Variants in NEB observed in about 807,000 individuals in gnomAD.
NEB encodes nemaline myopathy type 2.
In NEB, 512 loss-of-function variants were observed where a neutral mutation model predicts 952.2. The observed-to-expected ratio is 0.54, with a 90% CI of 0.50 to 0.58. NEB has a LOEUF of 0.58. NEB is among the 20% of genes least tolerant of loss of function. The probability of loss-of-function intolerance (pLI) is 0.00; values close to 1 mark genes in which losing one functional copy is unlikely to be tolerated. For synonymous variants in NEB, 2,900 were observed against 3,149.8 expected (o/e 0.92, Z 2.66); for missense variants, 8,428 against 9,231.1 (o/e 0.91, Z 3.56).
chr2:151,669,531 T>G (rs576423557), intron 38 of NEB, among the ~76,000 whole-genome samples: 1 of 152,234 alleles, frequency 6.6e-6, no homozygotes, highest in South Asian at 2.1e-4. Flanking sequence ...GAGGTAACAT[T>G]TACACTCAAA....
At chr2:151,535,939 A>C in intron 141 of NEB, 144 bp from the exon 142 acceptor site, 1 of 562,794 alleles carries the variant, frequency 1.8e-6, no homozygotes, top group South Asian at 2.2e-5. Context: ...ACAGGGTTTC[A>C]CTCTGTTGCC....
chr2:151,725,009 G>A, intron 6 of NEB, 48 bp from the exon 7 acceptor site: 5 of 1,420,116 alleles, frequency 3.5e-6, no homozygotes, highest in Non-Finnish European at 5.0e-6. Context: ...ATGTACATGT[G>A]AGTATATTAA....
At chr2:151,610,217 T>A in intron 80 of NEB, 97 bp from the exon 81 acceptor site, 1 of 1,029,642 alleles carries the variant, frequency 9.7e-7, no homozygotes, top group Non-Finnish European at 1.4e-6. Flanking sequence ...GATTTTATAT[T>A]ACAAACATTT....
chr2:151,628,628 G>C (rs1263120671), intron 68 of NEB, among the ~76,000 whole-genome samples: 1 of 152,052 alleles, frequency 6.6e-6, no homozygotes, highest in Non-Finnish European at 1.5e-5. Flanking sequence ...ATCGCCTGAG[G>C]TCAGGAGTTT....
chr2:151,727,767 C>A lies in NEB; in HGVS notation c.218G>T (p.Arg73Leu). Residue 73 changes from arginine to leucine, a missense_variant, in exon 5 of 182, where the codon CGG (arginine) becomes CTG (leucine). Physicochemically the swap from Arg to Leu is moderately radical, Grantham distance 102. Transcript: ENST00000397345. ...GAACTTTGAAGGATCCACTTTCTTC[C>A]GGATGACCTTCCTCCTCTCCACCGG... ...AKPVERRKVI[R>L]KKVDPSKFMT... is the part of the protein sequence containing the mutation. 1 of 1,613,708 alleles carries A rather than the reference C, an allele frequency of 6.2e-7. No homozygotes were observed. Among genetic ancestry groups the A allele is most frequent in the East Asian group, 2.2e-5 (1 of 44,880 alleles).
At chr2:151,682,850 A>G in intron 28 of NEB, 81 bp from the exon 29 acceptor site, 1 of 1,260,732 alleles carries the variant, frequency 7.9e-7, no homozygotes. Flanking sequence ...ACCCAAAACA[A>G]TGTTTTTGAG....
chr2:151,701,669 T>C (rs1015844694), intron 13 of NEB, among the ~76,000 whole-genome samples: 8 of 151,228 alleles, frequency 5.3e-5, no homozygotes, highest in African/African-American at 1.7e-4. Flanking sequence ...GTTTGTAGTA[T>C]TCTTTGATGG....
intron 20 of NEB, 66 bp downstream of exon 20, chr2:151,694,257 A>C: frequency 7.5e-7 from 1 of 1,328,620 alleles, no homozygotes; most frequent in Non-Finnish European, 1.1e-6. Context: ...CGTCCATCCA[A>C]GGTTATATTA....
In NEB at chr2:151,663,825, C is replaced by T. The variant is rs1426324972; in HGVS notation, c.5486G>A (p.Gly1829Glu). The T allele has an allele frequency of 1.1e-5, 17 of 1,613,588 alleles. No individual in the cohort carries two copies. The highest frequency in any genetic ancestry group is 1.2e-5 in the Non-Finnish European group (14 of 1,179,734). ...CAGGCTCCGGAAGCCAATGTGTTTC[C>T]CTTTGGCTTGTTCATAGGCTTTCTT... ...KYKKAYEQAK[G>E]KHIGFRSLED... Residue 1829 changes from glycine (G) to glutamate (E), a missense_variant, in exon 45 of 182, where the codon GGG becomes GAG. Physicochemically the swap from Gly to Glu is moderately conservative, Grantham distance 98. Coordinates refer to ENST00000397345, the MANE Select transcript of NEB (RefSeq NM_001164508.2).
chr2:151,571,954 A>T (rs929886406), intron 107 of NEB, among the ~76,000 whole-genome samples: 4 of 152,244 alleles, frequency 2.6e-5, no homozygotes, highest in Non-Finnish European at 5.9e-5. Flanking sequence ...AAGCTTTTGT[A>T]TAAATTTTGA....
intron 156 of NEB, among the ~76,000 whole-genome samples, chr2:151,517,320 T>C (rs1362524994): frequency 6.6e-6 from 1 of 152,194 alleles, no homozygotes; most frequent in Non-Finnish European, 1.5e-5. Flanking sequence ...CTGCTCAATC[T>C]CCGAGCTCTT....
chr2:151,573,857 G>T (rs1560104261), intron 107 of NEB, among the ~76,000 whole-genome samples: 1 of 149,960 alleles, frequency 6.7e-6, no homozygotes, highest in Non-Finnish European at 1.5e-5. Flanking sequence ...CTCACAAATA[G>T]TTTTTTTTTT....
chr2:151,695,055 T>C (rs149387872), intron 18 of NEB, among the ~76,000 whole-genome samples: 17 of 152,292 alleles, frequency 1.1e-4, no homozygotes, highest in Admixed American at 2.0e-4. Context: ...TTTATAGAAT[T>C]ATTGAAGAAA....
In NEB at chr2:151,615,903, C is replaced by T. The variant is rs62174707; in HGVS notation, c.11289+99G>A. ...GGAAAATCACTAAAGGGAATTGAGA[C>T]TTATAGGGGTAACTAAATTTCTAGC... On this transcript the variant is annotated intron_variant, in intron 76 of 181. Coordinates refer to ENST00000397345, the MANE Select transcript of NEB (RefSeq NM_001164508.2). 0.23 allele frequency: 203,945 copies of T among 882,750 alleles called. 25,328 individuals are homozygous for T. The highest frequency in any genetic ancestry group is 0.35 in the East Asian group (13,190 of 37,586). 54.7% of individuals were successfully genotyped at this position (882,750 alleles called of 1,614,324 possible). A position where few individuals can be genotyped will look rare whatever the true frequency, so the allele number is the denominator to read the frequency against.
At position 151,570,139 on chromosome 2, in the gene NEB, C is replaced by G; in HGVS notation, c.17372G>C (p.Cys5791Ser). Residue 5791 changes from cysteine to serine, a missense_variant, in exon 109 of 182, where the codon TGC (cysteine) becomes TCC (serine). By Grantham distance (112) the Cys-to-Ser change is moderately radical. Transcript: ENST00000397345. The stretch of plus-strand genomic sequence containing the variant: ...AATCACATCGTTCTGGTCGGGCATG[C>G]AGGTCCACTGGTGCAGGTAATTGCG... ...DYRNYLHQWT[C>S]MPDQNDVIQA... The G allele has an allele frequency of 1.9e-6, 3 of 1,613,124 alleles. No homozygotes were observed. The highest frequency in any genetic ancestry group is 2.5e-6 in the Non-Finnish European group (3 of 1,179,568).
At chr2:151,519,869 TAG>T in intron 153 of NEB, 101 bp from the exon 154 acceptor site, 2 of 733,660 alleles carry the variant, frequency 2.7e-6, no homozygotes, top group Middle Eastern at 2.5e-4. Context: ...GCATTGTACA[TAG>T]AGTGATCATA....
chr2:151,563,171 CG>C (rs2096190377), intron 119 of NEB, among the ~76,000 whole-genome samples: 1 of 151,906 alleles, frequency 6.6e-6, no homozygotes, highest in Non-Finnish European at 1.5e-5. Context: ...TGCACCACCA[CG>C]CCCAGCTAAT....
At chr2:151,659,760 T>A (rs1323064321) in intron 46 of NEB, among the ~76,000 whole-genome samples, 1 of 152,252 alleles carries the variant, frequency 6.6e-6, no homozygotes, top group Non-Finnish European at 1.5e-5. Flanking sequence ...TAGTCCTTTT[T>A]AAATATACAT....
chr2:151,515,687 A>AT (rs1430913516), intron 157 of NEB, among the ~76,000 whole-genome samples: 22 of 152,176 alleles, frequency 1.4e-4, no homozygotes, highest in Non-Finnish European at 2.4e-4. Flanking sequence ...TAATTTTGTT[A>AT]TTTTAATAGA....
Sources: allele counts gnomAD v4.1 joint callset (sites outside exome capture counted in the v4.1 genomes callset), GRCh38; gene constraint gnomAD v4.1.1; transcripts MANE v1.5; gene names NCBI Gene and HGNC (gene_info 2026-07-23, HGNC 2026-07-21).